The following OSBPL1A variants were observed in gnomAD, a reference collection of about 807,000 sequenced individuals.
The protein encoded by OSBPL1A is oxysterol binding protein like 1A, also known as oxysterol-binding protein-related protein 1.
In OSBPL1A, 80 loss-of-function variants were observed where a neutral mutation model predicts 137.1. That is an observed-to-expected ratio of 0.58 (90% confidence interval 0.49 to 0.70). OSBPL1A has a LOEUF of 0.70. OSBPL1A is among the 30% of genes least tolerant of loss of function. The pLI, the probability that OSBPL1A is intolerant of heterozygous loss-of-function variation, is 0.00. For synonymous variants in OSBPL1A, 365 were observed against 389.7 expected, an observed-to-expected ratio of 0.94 and a Z score of 0.75; for missense variants, 970 against 1,129.4, an observed-to-expected ratio of 0.86 and a Z score of 2.02.
chr18:24,201,769 A>G (rs113251980), intron 17 of OSBPL1A, among the ~76,000 whole-genome samples: 5,954 of 152,078 alleles, frequency 0.039, 365 homozygotes, highest in East Asian at 0.23. Context: ...TTAAAAAAAA[A>G]AAAGAAAGAA....
intron 17 of OSBPL1A, 124 bp downstream of exon 17, chr18:24,224,918 G>T: frequency 8.1e-7 from 1 of 1,227,330 alleles, no homozygotes; most frequent in Non-Finnish European, 1.1e-6. Flanking sequence ...CTTTCTTTGA[G>T]GTGATATAGC....
At chr18:24,352,641 C>T (rs1163965050) in intron 4 of OSBPL1A, among the ~76,000 whole-genome samples, 1 of 152,158 alleles carries the variant, frequency 6.6e-6, no homozygotes, top group Admixed American at 6.5e-5. Flanking sequence ...AAGCTGGAGG[C>T]ATCAGGCTAC....
intron 21 of OSBPL1A, among the ~76,000 whole-genome samples, 187 bp downstream of exon 21, chr18:24,177,826 C>G (rs757452290): frequency 7.9e-5 from 12 of 152,136 alleles, no homozygotes; most frequent in Non-Finnish European, 1.3e-4. Context: ...TTACACATAC[C>G]CAGATTAATT....
rs545604644 is a variant in OSBPL1A at position 24,178,445 on chromosome 18, C to A, written c.1911-250G>T. Among the ~76,000 whole-genome samples the A allele has an allele frequency of 4.8e-3, 698 of 145,264 alleles. 8 individuals carry two copies. The highest frequency in any genetic ancestry group is 0.017 in the African/African-American group (678 of 38,902). On this transcript the variant is annotated intron_variant, in intron 20 of 27. Coordinates refer to ENST00000319481, the MANE Select transcript of OSBPL1A (RefSeq NM_080597.4). Reference sequence around the variant, plus strand: ...TAATTGGGATTACAGGCATGCACCACCACACCTGGCTAATTTTTGTATTTT... The same window carrying A: ...TAATTGGGATTACAGGCATGCACCAACACACCTGGCTAATTTTTGTATTTT...
intron 13 of OSBPL1A, among the ~76,000 whole-genome samples, chr18:24,304,708 T>C (rs545050805): frequency 5.0e-4 from 76 of 152,326 alleles, no homozygotes; most frequent in African/African-American, 1.7e-3. Context: ...GATCAGTATG[T>C]CAAGGTGGCA....
intron 7 of OSBPL1A, among the ~76,000 whole-genome samples, chr18:24,328,420 A>G (rs1042009627): frequency 9.9e-5 from 15 of 151,546 alleles, no homozygotes; most frequent in Non-Finnish European, 1.6e-4. Flanking sequence ...TTTTCCATTG[A>G]CTGTCTTCAC....
At position 24,350,063 on chromosome 18, in the gene OSBPL1A, T is replaced by C. The variant is rs963332332; in HGVS notation, c.283-8405A>G. ...ATCCCATCTGACCCCGAACATTTTT[T>C]AGCTCGGCATATGGCCACCAAGAAT... is the stretch of plus-strand genomic sequence containing the variant. On this transcript the variant is annotated intron_variant, in intron 4 of 27. Coordinates refer to ENST00000319481, the MANE Select transcript of OSBPL1A (RefSeq NM_080597.4). 7.2e-5 allele frequency among the ~76,000 whole-genome samples: 11 copies of C among 152,350 alleles called. No individual in the cohort carries two copies. In the East Asian group the frequency reaches 2.1e-3, roughly 29 times the overall value.
chr18:24,374,644 G>A (rs922093238), intron 2 of OSBPL1A, among the ~76,000 whole-genome samples: 1 of 152,132 alleles, frequency 6.6e-6, no homozygotes, highest in Non-Finnish European at 1.5e-5. Context: ...GCTCCCACAT[G>A]CCACTCTCCC....
chr18:24,394,260 G>A (rs1426066203), intron 1 of OSBPL1A, among the ~76,000 whole-genome samples: 1 of 151,824 alleles, frequency 6.6e-6, no homozygotes, highest in Admixed American at 6.6e-5. Flanking sequence ...GATACCATAC[G>A]GACATAATAA....
At chr18:24,300,457 C>T (rs540544522) in intron 14 of OSBPL1A, among the ~76,000 whole-genome samples, 1 of 152,296 alleles carries the variant, frequency 6.6e-6, no homozygotes, top group African/African-American at 2.4e-5. Context: ...AAAAATTAAT[C>T]TGGCAGCAAT....
At chr18:24,167,302 G>A (rs752752209) in intron 25 of OSBPL1A, 27 bp downstream of exon 25, 1 of 1,585,736 alleles carries the variant, frequency 6.3e-7, no homozygotes, top group Non-Finnish European at 8.7e-7. Context: ...CAGACAGTGA[G>A]GCCACAGCCA....
intron 15 of OSBPL1A, among the ~76,000 whole-genome samples, chr18:24,243,955 C>T (rs2088801886): frequency 6.6e-6 from 1 of 152,164 alleles, no homozygotes; most frequent in East Asian, 1.9e-4. Flanking sequence ...GCTTAAGTGC[C>T]ATTAGTACTT....
chr18:24,231,706 C>G (rs2044296), intron 16 of OSBPL1A, among the ~76,000 whole-genome samples: 135,981 of 152,310 alleles, frequency 0.89, 61,185 homozygotes, highest in East Asian at 1. Flanking sequence ...CTATTGCCGG[C>G]TTATGGTGAC....
chr18:24,165,805 G>A (rs2086132672), intron 26 of OSBPL1A, among the ~76,000 whole-genome samples: 1 of 152,012 alleles, frequency 6.6e-6, no homozygotes, highest in Non-Finnish European at 1.5e-5. Context: ...AACACTATAA[G>A]ATAAAAATGG....
At chr18:24,377,368 G>A in intron 2 of OSBPL1A, 45 bp downstream of exon 2, 1 of 1,577,236 alleles carries the variant, frequency 6.3e-7, no homozygotes, top group Non-Finnish European at 8.6e-7. Context: ...GCTAAGAGTA[G>A]TGCAGACTCA....
chr18:24,207,562 C>A (rs902015320), intron 17 of OSBPL1A, among the ~76,000 whole-genome samples: 2 of 152,042 alleles, frequency 1.3e-5, no homozygotes, highest in Non-Finnish European at 2.9e-5. Context: ...CCTCTGATTC[C>A]AGATTAAAGA....
intron 14 of OSBPL1A, among the ~76,000 whole-genome samples, chr18:24,300,568 GA>G (rs2090380455): frequency 6.6e-6 from 1 of 152,194 alleles, no homozygotes; most frequent in African/African-American, 2.4e-5. Context: ...AGGAGACAGG[GA>G]CTAAAGGGCA....
At chr18:24,218,826 T>C (rs2087794565) in intron 17 of OSBPL1A, among the ~76,000 whole-genome samples, 1 of 152,110 alleles carries the variant, frequency 6.6e-6, no homozygotes, top group Admixed American at 6.6e-5. Flanking sequence ...GTTCTCACCA[T>C]AAAAAATAAG....
Position 24,386,141 on chromosome 18 carries a change from T to G in OSBPL1A, c.-2-8606A>C, listed in dbSNP as rs187241476. 3.6e-3 allele frequency among the ~76,000 whole-genome samples: 550 copies of G among 152,178 alleles called. 13 individuals are homozygous for G. Among genetic ancestry groups the G allele is most frequent in the Admixed American group, 0.033 (509 of 15,274 alleles). On this transcript the variant is annotated intron_variant, in intron 1 of 27. Transcript: ENST00000319481. Reference sequence around the variant, plus strand: ...TGAGGAGGAGAGAGGACTCTTCCTATAAGACAGGATGGTAGGAGAGAAAAA... The same window carrying G: ...TGAGGAGGAGAGAGGACTCTTCCTAGAAGACAGGATGGTAGGAGAGAAAAA...
Sources: allele counts gnomAD v4.1 joint callset (sites outside exome capture counted in the v4.1 genomes callset), GRCh38; gene constraint gnomAD v4.1.1; transcripts MANE v1.5; gene names NCBI Gene and HGNC (gene_info 2026-07-23, HGNC 2026-07-21).